SLC24A2: variants seen among roughly 807,000 people sequenced by gnomAD.
The protein encoded by SLC24A2 is sodium/potassium/calcium exchanger 2.
SLC24A2 carries 36 observed loss-of-function variants against 62.0 expected under a neutral mutation model. The observed-to-expected ratio is 0.58, with a 90% CI of 0.44 to 0.77. The LOEUF (loss-of-function observed/expected upper bound fraction) is 0.77, where lower values mean the gene tolerates loss of function less well. Among genes scored for constraint, SLC24A2 ranks in the 30% least tolerant of loss-of-function variants. The pLI is 0.00. For missense variants in SLC24A2, 846 were observed against 817.9 expected (o/e 1.03, Z -0.42); for synonymous variants, 358 against 294.0 (o/e 1.22, Z -2.23).
At chr9:20,113,260 G>A in the SLC24A2 span, among the ~76,000 whole-genome samples, 18 of 152,218 alleles carry the variant, frequency 1.2e-4, no homozygotes, top group East Asian at 2.1e-3. Context: ...CTCTATGCCC[G>A]CACTCCCTGG....
the SLC24A2 span, among the ~76,000 whole-genome samples, chr9:20,296,325 C>A: frequency 1.3e-5 from 2 of 152,236 alleles, no homozygotes; most frequent in South Asian, 2.1e-4. Context: ...TGCCCCTTCA[C>A]ACATAGTGCC....
chr9:19,836,326 A>C, the SLC24A2 span, among the ~76,000 whole-genome samples: 1 of 152,156 alleles, frequency 6.6e-6, no homozygotes, highest in African/African-American at 2.4e-5. Flanking sequence ...TTGATAGACC[A>C]CTAGCAAGAC....
At chr9:19,549,322 A>G (rs2132742340) in intron 8 of SLC24A2, among the ~76,000 whole-genome samples, 1 of 152,278 alleles carries the variant, frequency 6.6e-6, no homozygotes. Context: ...ACTCTTCCCA[A>G]CAGGAGAGTG....
intron 2 of SLC24A2, among the ~76,000 whole-genome samples, chr9:19,764,705 G>C (rs1822457992): frequency 6.6e-6 from 1 of 152,162 alleles, no homozygotes; most frequent in African/African-American, 2.4e-5. Context: ...GCTGTGGAGT[G>C]TTTTACTTCC....
intron 2 of SLC24A2, among the ~76,000 whole-genome samples, chr9:19,687,927 C>T (rs1819931418): frequency 6.6e-6 from 1 of 151,974 alleles, no homozygotes. Context: ...ATCCCTTTGC[C>T]CCATGTGTGT....
the SLC24A2 span, among the ~76,000 whole-genome samples, chr9:19,860,684 G>A: frequency 2.6e-5 from 4 of 152,184 alleles, no homozygotes; most frequent in African/African-American, 9.6e-5. Context: ...GGAATTTTTG[G>A]ACCTGCCCTG....
chr9:20,234,793 A>T, the SLC24A2 span, among the ~76,000 whole-genome samples: 1 of 152,188 alleles, frequency 6.6e-6, no homozygotes, highest in African/African-American at 2.4e-5. Flanking sequence ...TTGGAGGAGG[A>T]GAGGCGCTCT....
At chr9:20,241,915 A>C in the SLC24A2 span, among the ~76,000 whole-genome samples, 32 of 152,238 alleles carry the variant, frequency 2.1e-4, no homozygotes, top group African/African-American at 7.7e-4. Flanking sequence ...ACCAATGCCT[A>C]TTCCTCTCTA....
chr9:19,543,916 G>A (rs1834413164), intron 8 of SLC24A2, among the ~76,000 whole-genome samples: 1 of 152,138 alleles, frequency 6.6e-6, no homozygotes, highest in African/African-American at 2.4e-5. Flanking sequence ...TCTGATTTGG[G>A]GTAGAGAGTT....
At chr9:20,278,282 C>CG in the SLC24A2 span, among the ~76,000 whole-genome samples, 1 of 152,072 alleles carries the variant, frequency 6.6e-6, no homozygotes, top group Admixed American at 6.6e-5. Context: ...TCTTTTCTAT[C>CG]ACATATCAGG....
intron 7 of SLC24A2, among the ~76,000 whole-genome samples, chr9:19,553,222 T>G (rs1255079376): frequency 1.3e-5 from 2 of 152,170 alleles, no homozygotes; most frequent in Non-Finnish European, 1.5e-5. Context: ...AAAATACTGT[T>G]CCAAGTTTGA....
chr9:20,206,666 G>T, the SLC24A2 span, among the ~76,000 whole-genome samples: 1 of 152,084 alleles, frequency 6.6e-6, no homozygotes, highest in South Asian at 2.1e-4. Flanking sequence ...ATTTTTAGTA[G>T]AGACGGGGTT....
intron 2 of SLC24A2, among the ~76,000 whole-genome samples, chr9:19,647,795 T>C (rs902298538): frequency 4.6e-5 from 7 of 152,176 alleles, no homozygotes; most frequent in Admixed American, 3.9e-4. Context: ...TTAACTTCTA[T>C]TAGTAGATGA....
intron 5 of SLC24A2, among the ~76,000 whole-genome samples, chr9:19,577,324 A>G (rs987350884): frequency 1.3e-5 from 2 of 152,122 alleles, no homozygotes; most frequent in Admixed American, 1.3e-4. Context: ...AGAGAAACAG[A>G]GCTGCTCTGG....
chr9:19,694,225 T>C (rs1011899250), intron 2 of SLC24A2, among the ~76,000 whole-genome samples: 3 of 152,120 alleles, frequency 2.0e-5, no homozygotes, highest in Non-Finnish European at 4.4e-5. Flanking sequence ...GGTAAAGATA[T>C]CATAATATTA....
the SLC24A2 span, among the ~76,000 whole-genome samples, chr9:19,953,533 C>T: frequency 6.6e-6 from 1 of 151,886 alleles, no homozygotes; most frequent in Non-Finnish European, 1.5e-5. Flanking sequence ...TATTCTCAGA[C>T]GTTTTTATGT....
At chr9:19,798,679 T>A in the SLC24A2 span, among the ~76,000 whole-genome samples, 14 of 152,190 alleles carry the variant, frequency 9.2e-5, no homozygotes, top group East Asian at 2.3e-3. Context: ...GGTTTGCTAA[T>A]GTAGAGAAAC....
At chr9:19,900,748 T>C in the SLC24A2 span, among the ~76,000 whole-genome samples, 3 of 152,222 alleles carry the variant, frequency 2.0e-5, no homozygotes, top group Non-Finnish European at 2.9e-5. Flanking sequence ...TGATCTTTAT[T>C]GTTTAGGGCT....
intron 2 of SLC24A2, among the ~76,000 whole-genome samples, chr9:19,770,999 G>A (rs1822669097): frequency 6.6e-6 from 1 of 152,158 alleles, no homozygotes; most frequent in African/African-American, 2.4e-5. Flanking sequence ...CAAGAAACTG[G>A]ACTGAGATGG....
Sources: allele counts gnomAD v4.1 joint callset (sites outside exome capture counted in the v4.1 genomes callset), GRCh38; gene constraint gnomAD v4.1.1; transcripts MANE v1.5; gene names NCBI Gene and HGNC (gene_info 2026-07-23, HGNC 2026-07-21).